ACOT11: variants seen among roughly 807,000 people sequenced by gnomAD.
The protein encoded by ACOT11 is acyl-CoA thioesterase 11, also known as acyl-coenzyme A thioesterase 11.
A neutral mutation model predicts 77.5 loss-of-function variants in ACOT11; 69 were observed. The observed-to-expected ratio is 0.89, with a 90% CI of 0.73 to 1.09. The LOEUF (loss-of-function observed/expected upper bound fraction) is 1.09. Ranked by LOEUF, ACOT11 falls within the 50% of genes least tolerant of loss-of-function variation. ACOT11 has a pLI of 0.00. For synonymous variants in ACOT11, 279 were observed against 313.0 expected (o/e 0.89, Z 1.15); for missense variants, 766 against 813.7 (o/e 0.94, Z 0.71).
chr1:54,555,448 G>A (rs940986431), intron 1 of ACOT11, among the ~76,000 whole-genome samples: 10 of 151,648 alleles, frequency 6.6e-5, no homozygotes, highest in African/African-American at 1.9e-4. Flanking sequence ...CTATTGAGTT[G>A]TTTTACTTCT....
At chr1:54,605,801 T>C (rs1260851702) in intron 13 of ACOT11, among the ~76,000 whole-genome samples, 1 of 152,244 alleles carries the variant, frequency 6.6e-6, no homozygotes, top group African/African-American at 2.4e-5. Context: ...ATGACTATCT[T>C]CTTCTCGAAT....
chr1:54,552,926 C>T (rs1464811965), intron 1 of ACOT11, among the ~76,000 whole-genome samples: 2 of 151,174 alleles, frequency 1.3e-5, no homozygotes, highest in Non-Finnish European at 2.9e-5. Flanking sequence ...CTCCCAGGTT[C>T]AAGCGATTCT....
chr1:54,567,653 C>G (rs1416667851), intron 1 of ACOT11, among the ~76,000 whole-genome samples: 1 of 152,112 alleles, frequency 6.6e-6, no homozygotes, highest in African/African-American at 2.4e-5. Flanking sequence ...GCTCGCAAAC[C>G]CTCCCTCTAC....
chr1:54,609,739 T>G lies in ACOT11; in HGVS notation c.*627T>G. Reference sequence around the variant, plus strand: ...GCAAGAGGCCAAGGCTGGAGAGGCGTGCCAGCAAGGCCAGGGATGGCCGGA... The same window carrying G: ...GCAAGAGGCCAAGGCTGGAGAGGCGGGCCAGCAAGGCCAGGGATGGCCGGA... On this transcript the variant is annotated 3_prime_UTR_variant, in exon 16 of 16. Coordinates refer to ENST00000343744, the MANE Select transcript of ACOT11 (RefSeq NM_147161.4). The G allele has an allele frequency of 6.2e-7, 1 of 1,614,184 alleles. No individual in the cohort carries two copies. The highest frequency in any genetic ancestry group is 1.3e-5 in the African/African-American group (1 of 75,066).
intron 15 of ACOT11, among the ~76,000 whole-genome samples, chr1:54,625,275 C>T (rs1258836155): frequency 6.6e-6 from 1 of 152,138 alleles, no homozygotes; most frequent in Non-Finnish European, 1.5e-5. Context: ...CAGCAGCTGC[C>T]AGGAGCCAGG....
chr1:54,586,621 A>G (rs1427767201), intron 3 of ACOT11, among the ~76,000 whole-genome samples: 1 of 151,818 alleles, frequency 6.6e-6, no homozygotes, highest in Non-Finnish European at 1.5e-5. Context: ...TTTAGTAGAG[A>G]CGGGGTTTCG....
In ACOT11 at chr1:54,576,491, TAA is replaced by T. The variant is rs71581820; in HGVS notation, c.34-8143_34-8142del. Among the ~76,000 whole-genome samples the T allele has an allele frequency of 5.4e-3, 367 of 68,358 alleles. 3 individuals are homozygous for T. The highest frequency in any genetic ancestry group is 0.016 in the African/African-American group (327 of 19,988). 44.8% of individuals were successfully genotyped at this position (68,358 alleles called of 152,430 possible). A position where few individuals can be genotyped will look rare whatever the true frequency, so the allele number is the denominator to read the frequency against. ...CCAGCCTAGGTGACAGAGCAAGATC[TAA>T]AAAAAAAAAAAAAAAAAAAAGCAAA... On this transcript the variant is annotated intron_variant, in intron 1 of 15. Coordinates refer to ENST00000343744, the MANE Select transcript of ACOT11 (RefSeq NM_147161.4).
At chr1:54,550,449 A>G (rs1653022618) in intron 1 of ACOT11, among the ~76,000 whole-genome samples, 1 of 152,184 alleles carries the variant, frequency 6.6e-6, no homozygotes, top group South Asian at 2.1e-4. Flanking sequence ...TCTGGAATAC[A>G]AGAGGGTTTG....
chr1:54,586,394 A>G (rs1654501533), intron 3 of ACOT11, among the ~76,000 whole-genome samples: 1 of 150,890 alleles, frequency 6.6e-6, no homozygotes, highest in South Asian at 2.1e-4. Context: ...TCCAGGGATG[A>G]GGAGCTCGTT....
At chr1:54,612,759 T>G (rs1644133085), downstream of ACOT11, 1 of 1,422,916 alleles carries the variant, frequency 7.0e-7, no homozygotes, top group African/African-American at 1.4e-5. Context: ...AGCGGCCCCT[T>G]CCTCTCCTCT....
intron 15 of ACOT11, among the ~76,000 whole-genome samples, chr1:54,620,177 C>T (rs1236260907): frequency 1.3e-5 from 2 of 152,208 alleles, no homozygotes; most frequent in Non-Finnish European, 2.9e-5. Flanking sequence ...AATGAATGGG[C>T]TCCTGGGGCC....
At chr1:54,618,724 C>T (rs1427404665) in intron 15 of ACOT11, among the ~76,000 whole-genome samples, 2 of 151,988 alleles carry the variant, frequency 1.3e-5, no homozygotes, top group Non-Finnish European at 2.9e-5. Flanking sequence ...CTCCTTGTGC[C>T]AGCTTTACCC....
intron 16 of ACOT11, among the ~76,000 whole-genome samples, chr1:54,634,134 C>T (rs1644317314): frequency 1.3e-5 from 2 of 152,184 alleles, no homozygotes; most frequent in East Asian, 3.8e-4. Flanking sequence ...CTCACAAAGG[C>T]ACAAATACAG....
intron 1 of ACOT11, among the ~76,000 whole-genome samples, chr1:54,548,820 G>A (rs1017489717): frequency 6.6e-6 from 1 of 152,128 alleles, no homozygotes; most frequent in Non-Finnish European, 1.5e-5. Flanking sequence ...GAACCTCTTG[G>A]GGAGAGCAAG....
chr1:54,609,793 G>A lies in ACOT11; in HGVS notation c.*681G>A, dbSNP rs1323594073. 10 of 1,614,070 alleles carry A rather than the reference G, an allele frequency of 6.2e-6. No homozygotes were observed. In the African/African-American group the frequency reaches 1.2e-4, roughly 19 times the overall value. ...CTGCGGGCTCCGCTATTTGCAAATG[G>A]ATGCCCCAGTGTCCGGGATGTGTGG... On this transcript the variant is annotated 3_prime_UTR_variant, in exon 16 of 16. Coordinates refer to ENST00000343744, the MANE Select transcript of ACOT11 (RefSeq NM_147161.4).
chr1:54,572,000 A>G (rs749711643), intron 1 of ACOT11, among the ~76,000 whole-genome samples: 14 of 152,090 alleles, frequency 9.2e-5, no homozygotes, highest in Non-Finnish European at 2.1e-4. Flanking sequence ...TTCCTGGGGC[A>G]GGAAGTCCTG....
chr1:54,588,144 C>A (rs1654572824), intron 3 of ACOT11, among the ~76,000 whole-genome samples: 1 of 151,866 alleles, frequency 6.6e-6, no homozygotes, highest in Admixed American at 6.6e-5. Context: ...GTGGAGGTTG[C>A]AGTGAGCCAG....
Position 54,584,720 on chromosome 1 carries a change from T to C in ACOT11, c.99T>C (p.Ser33=), listed in dbSNP as rs1188446706. The change falls in exon 2 of 16, where the codon AGT becomes AGC. Residue 33 remains serine (S), a synonymous_variant. Coordinates refer to ENST00000343744, the MANE Select transcript of ACOT11 (RefSeq NM_147161.4). This position sits in a 1 kb window ranked among gnomAD's most constrained non-coding sequence, Gnocchi z 6.3. ...CAGCCTTACGTGCGGGGAACGACAG[T>C]GCCATGGCAGACGGCGAGGGATACC... ...RKSALRAGND[S]AMADGEGYRN... is the part of the protein sequence containing the mutation. The C allele has an allele frequency of 6.2e-7, 1 of 1,614,082 alleles. No individual in the cohort carries two copies. The highest frequency in any genetic ancestry group is 8.5e-7 in the Non-Finnish European group (1 of 1,180,020).
At chr1:54,602,229 C>G (rs1308113671) in intron 9 of ACOT11, among the ~76,000 whole-genome samples, 1 of 152,200 alleles carries the variant, frequency 6.6e-6, no homozygotes, top group East Asian at 1.9e-4. Context: ...CTTGGCAAGC[C>G]CTCACCCTTC....
Sources: gnomAD v4.1 joint callset for allele counts (sites outside exome capture counted in the v4.1 genomes callset) on GRCh38, gnomAD v4.1.1 for gene constraint, Gnocchi (gnomAD v3.1) non-coding constraint, MANE v1.5 for transcripts, NCBI Gene and HGNC (gene_info 2026-07-23, HGNC 2026-07-21) for gene names.